Variants in EXOC6 observed in about 807,000 individuals in gnomAD.
The protein encoded by EXOC6 is exocyst complex component 6.
A neutral mutation model predicts 112.5 loss-of-function variants in EXOC6; 60 were observed. The ratio of observed to expected loss-of-function variants is 0.53; its 90% CI spans 0.43 to 0.66. The LOEUF (loss-of-function observed/expected upper bound fraction) is 0.66, where lower values mean the gene tolerates loss of function less well. EXOC6 is among the 30% of genes least tolerant of loss of function. EXOC6 has a pLI of 0.00. For synonymous variants in EXOC6, 295 were observed against 308.0 expected (o/e 0.96, Z 0.44); for missense variants, 855 against 957.1 (o/e 0.89, Z 1.41).
At chr10:92,880,940 G>C (rs1277202182) in intron 1 of EXOC6, among the ~76,000 whole-genome samples, 1 of 152,126 alleles carries the variant, frequency 6.6e-6, no homozygotes, top group African/African-American at 2.4e-5. Context: ...CAAGTAACTT[G>C]TATTCTACAT....
At chr10:92,934,071 G>T (rs149246015) in intron 9 of EXOC6, 73 bp from the exon 10 acceptor site, 12,359 of 874,070 alleles carry the variant, frequency 0.014, 129 homozygotes, top group Non-Finnish European at 0.017. Context: ...TAATGAAGTT[G>T]TAGTGACTTG....
At chr10:92,983,462 T>C (rs549994779) in intron 18 of EXOC6, among the ~76,000 whole-genome samples, 1 of 151,746 alleles carries the variant, frequency 6.6e-6, no homozygotes, top group South Asian at 2.1e-4. Flanking sequence ...TATTGATTGT[T>C]ACATTTTAAA....
upstream of EXOC6, among the ~76,000 whole-genome samples, chr10:92,843,658 C>T (rs978447653): frequency 6.6e-6 from 1 of 151,466 alleles, no homozygotes; most frequent in South Asian, 2.1e-4. Flanking sequence ...ACCATCCTGG[C>T]CAACATGGTG....
intron 4 of EXOC6, among the ~76,000 whole-genome samples, chr10:92,899,170 T>C (rs1474180738): frequency 6.6e-6 from 1 of 152,182 alleles, no homozygotes; most frequent in Non-Finnish European, 1.5e-5. Context: ...AAGTGTGTTA[T>C]TTTATTTGGT....
At position 92,987,641 on chromosome 10, in the gene EXOC6, CG is replaced by C. The variant is rs1417809042; in HGVS notation, c.1954-9831del. On this transcript the variant is annotated intron_variant, in intron 18 of 21. Transcript: ENST00000260762. ...AACAACAATGATCATGCAGCCATGT[CG>C]GTAAGTAGATATAAACTAAAGCTAG... The C allele has an allele frequency of 4.1e-6, 4 of 984,388 alleles. No homozygotes were observed. In the African/African-American group the frequency reaches 7.0e-5, roughly 17 times the overall value. 61.0% of individuals were successfully genotyped at this position (984,388 alleles called of 1,614,324 possible).
intron 1 of EXOC6, among the ~76,000 whole-genome samples, chr10:92,836,293 C>G (rs1846657433): frequency 6.6e-6 from 1 of 152,232 alleles, no homozygotes; most frequent in Non-Finnish European, 1.5e-5. Flanking sequence ...TGGTGTTGGA[C>G]TTGACTTCCT....
At chr10:92,971,660 G>A (rs141223046) in intron 17 of EXOC6, among the ~76,000 whole-genome samples, 292 of 152,170 alleles carry the variant, frequency 1.9e-3, no homozygotes, top group African/African-American at 6.4e-3. Context: ...GATTACACGC[G>A]TCACTTATTG....
intron 14 of EXOC6, among the ~76,000 whole-genome samples, chr10:92,950,952 C>A (rs1853370351): frequency 6.6e-6 from 1 of 151,972 alleles, no homozygotes; most frequent in African/African-American, 2.4e-5. Context: ...ATTTGAGATG[C>A]TTAGGAGGTA....
chr10:92,979,325 A>G (rs1842743602), intron 18 of EXOC6, among the ~76,000 whole-genome samples: 1 of 152,192 alleles, frequency 6.6e-6, no homozygotes, highest in South Asian at 2.1e-4. Flanking sequence ...ATGCCTGGCT[A>G]ATCAGAATAT....
intron 18 of EXOC6, among the ~76,000 whole-genome samples, chr10:92,992,862 T>A (rs1344192080): frequency 2.0e-5 from 3 of 151,886 alleles, no homozygotes; most frequent in African/African-American, 7.2e-5. Flanking sequence ...CCTTTTAAAA[T>A]ACACATACTG....
chr10:92,894,991 T>G lies in EXOC6; in HGVS notation c.383T>G (p.Val128Gly). Residue 128 changes from valine to glycine, a missense_variant, in exon 4 of 22, where the codon GTA becomes GGA. Around this residue, in one of 2 missense-constraint regions of EXOC6, gnomAD observed 405 missense variants for 393.6 expected, o/e 1.03. Transcript: ENST00000260762. ...CRIQQRNITT[V>G]VEKLQLCLPV... ...ATTCAGCAGAGAAATATTACAACTGTAGTAGAAAAATTGCAGTTATGCCTT... is the reference window on the plus strand; with the variant it reads ...ATTCAGCAGAGAAATATTACAACTGGAGTAGAAAAATTGCAGTTATGCCTT... 6.2e-7 allele frequency: 1 copy of G among 1,611,472 alleles called. No individual in the cohort carries two copies. The highest frequency in any genetic ancestry group is 8.5e-7 in the Non-Finnish European group (1 of 1,177,752).
chr10:92,859,795 C>CTG (rs146845553), intron 1 of EXOC6, among the ~76,000 whole-genome samples: 1 of 148,842 alleles, frequency 6.7e-6, no homozygotes, highest in Non-Finnish European at 1.5e-5. Flanking sequence ...GTCTCTCCGT[C>CTG]TGTGTGTGTG....
intron 5 of EXOC6, among the ~76,000 whole-genome samples, chr10:92,902,067 T>TAC (rs1336082380): frequency 2.0e-5 from 3 of 150,806 alleles, no homozygotes; most frequent in African/African-American, 4.9e-5. Context: ...GTGGACTTAT[T>TAC]ACACACACAC....
rs79670776 is a variant in EXOC6 at position 92,950,583 on chromosome 10, T to C, written c.1417-1690T>C. Among the ~76,000 whole-genome samples the C allele has an allele frequency of 7.9e-3, 1,197 of 152,256 alleles. 19 individuals carry two copies. Among genetic ancestry groups the C allele is most frequent in the African/African-American group, 0.028 (1,152 of 41,540 alleles). On this transcript the variant is annotated intron_variant, in intron 14 of 21. Coordinates refer to ENST00000260762, the MANE Select transcript of EXOC6 (RefSeq NM_019053.6). ...AAATTATAATTCACAGAAGTTTGCATTGCTTAAGATAGGGGATGCACCATG... is the reference window on the plus strand; with the variant it reads ...AAATTATAATTCACAGAAGTTTGCACTGCTTAAGATAGGGGATGCACCATG...
intron 6 of EXOC6, among the ~76,000 whole-genome samples, chr10:92,913,343 T>C (rs1850905245): frequency 6.6e-6 from 1 of 152,222 alleles, no homozygotes; most frequent in African/African-American, 2.4e-5. Flanking sequence ...TAGAATCATT[T>C]GTTTTCCTTA....
intron 20 of EXOC6, among the ~76,000 whole-genome samples, chr10:93,018,430 T>C (rs1844639967): frequency 6.6e-6 from 1 of 152,212 alleles, no homozygotes; most frequent in African/African-American, 2.4e-5. Flanking sequence ...AATTTACTCA[T>C]AGTCTTTCTA....
In EXOC6 at chr10:92,841,819, T is replaced by G. The variant is rs184434305; in HGVS notation, c.86+6995T>G. ...CCTTTATAATTACTAATAGAGCTGT[T>G]GAAAGGATTAGTTGAATTAGGCATG... On this transcript the variant is annotated intron_variant, in intron 1 of 21. Coordinates refer to the EXOC6 transcript ENST00000371552. Among the ~76,000 whole-genome samples the G allele has an allele frequency of 4.2e-3, 643 of 152,318 alleles. 3 individuals are homozygous for G. Among genetic ancestry groups the G allele is most frequent in the Non-Finnish European group, 7.4e-3 (503 of 68,028 alleles).
rs143765405 is a variant in EXOC6 at position 92,927,907 on chromosome 10, A to T, written c.889-432A>T. On this transcript the variant is annotated intron_variant, in intron 8 of 21. Coordinates refer to ENST00000260762, the MANE Select transcript of EXOC6 (RefSeq NM_019053.6). ...CCTGGAAGTGAAAAGAGAGCAGTAT[A>T]TGGATATATTGAGAGTGAAAGAGTA... Among the ~76,000 whole-genome samples the T allele has an allele frequency of 3.6e-3, 551 of 152,328 alleles. 3 individuals carry two copies. The highest frequency in any genetic ancestry group is 0.013 in the African/African-American group (525 of 41,556).
chr10:92,957,523 C>T (rs1235485725), intron 17 of EXOC6, among the ~76,000 whole-genome samples: 1 of 152,182 alleles, frequency 6.6e-6, no homozygotes, highest in Non-Finnish European at 1.5e-5. Flanking sequence ...ACTATCATTG[C>T]ATACTCCTTG....
Sources: gnomAD v4.1 joint callset for allele counts (sites outside exome capture counted in the v4.1 genomes callset) on GRCh38, gnomAD v4.1.1 for gene constraint, gnomAD v4.1.1 regional missense constraint, MANE v1.5 for transcripts, NCBI Gene and HGNC (gene_info 2026-07-23, HGNC 2026-07-21) for gene names.